DGKI: variants seen among roughly 807,000 people sequenced by gnomAD.
DGKI encodes the protein diacylglycerol kinase iota.
A neutral mutation model predicts 147.5 loss-of-function variants in DGKI; 55 were observed. The ratio of observed to expected loss-of-function variants is 0.37; its 90% confidence interval spans 0.30 to 0.47. The LOEUF (loss-of-function observed/expected upper bound fraction) is 0.47, where lower values mean the gene tolerates loss of function less well. Among genes scored for constraint, DGKI ranks in the 20% least tolerant of loss-of-function variants. The probability of loss-of-function intolerance (pLI) is 1.00; values close to 1 mark genes in which losing one functional copy is unlikely to be tolerated. For missense variants in DGKI, 1,007 were observed against 1,323.8 expected, an observed-to-expected ratio of 0.76 and a Z score of 3.71; for synonymous variants, 469 against 477.1, an observed-to-expected ratio of 0.98 and a Z score of 0.22.
Position 137,656,557 on chromosome 7 carries a change from A to C in DGKI, c.607-17T>G, listed in dbSNP as rs1822231576. 1.9e-6 allele frequency: 3 copies of C among 1,612,440 alleles called. No homozygotes were observed. The highest frequency in any genetic ancestry group is 8.5e-7 in the Non-Finnish European group (1 of 1,178,552). On this transcript the variant is annotated splice_polypyrimidine_tract_variant and intron_variant, in intron 3 of 32. Coordinates refer to ENST00000614521, the MANE Select transcript of DGKI (RefSeq NM_001321708.2). The stretch of plus-strand genomic sequence containing the variant: ...AGCTGATTTCTACAATATTCAATTC[A>C]AAAGACAAAAAAGAAATGTTAACAG...
At chr7:137,517,183 A>G (rs942099615) in intron 21 of DGKI, among the ~76,000 whole-genome samples, 19 of 150,758 alleles carry the variant, frequency 1.3e-4, no homozygotes, top group African/African-American at 4.6e-4. Flanking sequence ...CATCAAGGTC[A>G]TAAGAAAAAG....
At chr7:137,695,296 T>C (rs1474035237) in intron 1 of DGKI, among the ~76,000 whole-genome samples, 1 of 152,234 alleles carries the variant, frequency 6.6e-6, no homozygotes, top group Non-Finnish European at 1.5e-5. Context: ...CCTTTACATA[T>C]TGAAATATAT....
chr7:137,643,853 T>C (rs1821737846), intron 6 of DGKI, among the ~76,000 whole-genome samples: 2 of 152,230 alleles, frequency 1.3e-5, no homozygotes, highest in East Asian at 3.9e-4. Context: ...CACTCCATTA[T>C]GGCTTACATT....
chr7:137,752,165 A>C (rs1401654324), intron 1 of DGKI, among the ~76,000 whole-genome samples: 3 of 152,148 alleles, frequency 2.0e-5, no homozygotes, highest in African/African-American at 7.2e-5. Flanking sequence ...GGATAATAAA[A>C]GTTGTGGGGG....
intron 1 of DGKI, among the ~76,000 whole-genome samples, chr7:137,754,585 C>T (rs780113690): frequency 1.3e-5 from 2 of 152,230 alleles, no homozygotes; most frequent in South Asian, 4.1e-4. Context: ...CACCTCAGGG[C>T]ACCTGCCTCA....
At chr7:137,843,331 G>T in intron 1 of DGKI, 1 of 706,160 alleles carries the variant, frequency 1.4e-6, no homozygotes, top group Non-Finnish European at 1.7e-6. Flanking sequence ...ATATGTATCT[G>T]TTGCAGCACC....
intron 5 of DGKI, among the ~76,000 whole-genome samples, chr7:137,651,796 G>A (rs1783993868): frequency 6.6e-6 from 1 of 152,186 alleles, no homozygotes; most frequent in South Asian, 2.1e-4. Context: ...AAAGGGTGAT[G>A]TGAGAAGCCA....
chr7:137,844,395 G>C (rs896666760), intron 1 of DGKI, among the ~76,000 whole-genome samples: 1 of 152,126 alleles, frequency 6.6e-6, no homozygotes, highest in Admixed American at 6.5e-5. Flanking sequence ...AAATAGGGTG[G>C]CAATCCCCAT....
At chr7:137,555,122 G>A (rs73453511) in intron 19 of DGKI, among the ~76,000 whole-genome samples, 1 of 151,420 alleles carries the variant, frequency 6.6e-6, no homozygotes. Flanking sequence ...CACCGTGTTG[G>A]CCAGGATGGT....
chr7:137,511,590 A>G lies in DGKI; in HGVS notation c.2248+10276T>C, dbSNP rs1278709334. Among the ~76,000 whole-genome samples the G allele has an allele frequency of 4.6e-5, 7 of 152,244 alleles. No individual in the cohort carries two copies. The East Asian group carries it at 1.3e-3, about 29-fold the overall frequency. On this transcript the variant is annotated intron_variant, in intron 21 of 32. Coordinates refer to ENST00000614521, the MANE Select transcript of DGKI (RefSeq NM_001321708.2). ...AAGCTGAATTTCCAGCACTTAGAAC[A>G]GTCTTTGATACATAGTAGGTGTTCA...
At chr7:137,701,608 AC>A (rs768654116) in intron 1 of DGKI, among the ~76,000 whole-genome samples, 15 of 152,256 alleles carry the variant, frequency 9.9e-5, no homozygotes, top group Non-Finnish European at 2.2e-4. Context: ...GCACTAAAAA[AC>A]ATGCATTATT....
chr7:137,702,010 C>T (rs1387972183), intron 1 of DGKI, among the ~76,000 whole-genome samples: 18 of 152,244 alleles, frequency 1.2e-4, no homozygotes, highest in African/African-American at 4.3e-4. Context: ...ATAACCCCCA[C>T]ATGTACAGCT....
intron 8 of DGKI, among the ~76,000 whole-genome samples, chr7:137,618,268 T>C (rs1316952904): frequency 6.8e-6 from 1 of 146,594 alleles, no homozygotes; most frequent in East Asian, 2.0e-4. Context: ...GCCTGAGCAA[T>C]TGTATGTTCA....
At chr7:137,402,878 A>G (rs1811812766) in intron 30 of DGKI, among the ~76,000 whole-genome samples, 1 of 152,194 alleles carries the variant, frequency 6.6e-6, no homozygotes, top group Admixed American at 6.5e-5. Context: ...AGAGAAAAGA[A>G]AGACTGAAGA....
chr7:137,472,944 C>T (rs113317509), intron 23 of DGKI, among the ~76,000 whole-genome samples: 6,414 of 152,058 alleles, frequency 0.042, 131 homozygotes, highest in South Asian at 0.078. Flanking sequence ...TACAGGAATG[C>T]TTGATTTATT....
At position 137,609,038 on chromosome 7, in the gene DGKI, C is replaced by A. The variant is rs1312013831; in HGVS notation, c.1095G>T (p.Val365=). ...MEQENKGRPF[V]IKPISSPLMK... is the part of the protein sequence containing the mutation. ...TGAGAGGAGAAGAGATGGGTTTTATCACAAAAGGACGACCTTTGTTTTCCT... is the reference window on the plus strand; with the variant it reads ...TGAGAGGAGAAGAGATGGGTTTTATAACAAAAGGACGACCTTTGTTTTCCT... Residue 365 remains valine, a synonymous_variant, in exon 10 of 33, where the codon GTG becomes GTT. Coordinates refer to ENST00000614521, the MANE Select transcript of DGKI (RefSeq NM_001321708.2). The A allele has an allele frequency of 1.9e-6, 3 of 1,613,560 alleles. No individual in the cohort carries two copies. The highest frequency in any genetic ancestry group is 1.1e-5 in the South Asian group (1 of 91,062).
chr7:137,395,265 CTT>C (rs997562347), intron 32 of DGKI, among the ~76,000 whole-genome samples: 2 of 152,166 alleles, frequency 1.3e-5, no homozygotes, highest in Non-Finnish European at 2.9e-5. Context: ...AGGCCAAAGT[CTT>C]TGAAAATGGT....
intron 23 of DGKI, among the ~76,000 whole-genome samples, chr7:137,474,872 G>GA (rs1491451288): frequency 6.6e-6 from 1 of 152,112 alleles, no homozygotes; most frequent in African/African-American, 2.4e-5. Context: ...TACTCGCTGT[G>GA]AGAGTGTAGG....
intron 1 of DGKI, among the ~76,000 whole-genome samples, chr7:137,720,574 C>T (rs1379162731): frequency 1.3e-5 from 2 of 152,046 alleles, no homozygotes; most frequent in African/African-American, 4.8e-5. Flanking sequence ...GTCTTGAGTC[C>T]TTATAATAAT....
Sources: allele counts gnomAD v4.1 joint callset (sites outside exome capture counted in the v4.1 genomes callset), GRCh38; gene constraint gnomAD v4.1.1; transcripts MANE v1.5; gene names NCBI Gene and HGNC (gene_info 2026-07-23, HGNC 2026-07-21).